The following SYNGR1 variants were observed in gnomAD, a reference collection of about 807,000 sequenced individuals.
SYNGR1 encodes synaptogyrin 1, also known as synaptogyrin-1.
In SYNGR1, 14 loss-of-function variants were observed where a neutral mutation model predicts 26.1. The ratio of observed to expected loss-of-function variants is 0.54; its 90% CI spans 0.35 to 0.84. The LOEUF is 0.84. Ranked by LOEUF, SYNGR1 falls within the 40% of genes least tolerant of loss-of-function variation. SYNGR1 has a pLI of 0.01. For synonymous variants in SYNGR1, 141 were observed against 150.1 expected (o/e 0.94, Z 0.44); for missense variants, 319 against 332.9 (o/e 0.96, Z 0.33).
chr22:39,367,129 G>A (rs796233677), intron 1 of SYNGR1, among the ~76,000 whole-genome samples: 5 of 152,288 alleles, frequency 3.3e-5, no homozygotes, highest in South Asian at 4.1e-4. Context: ...GCCCTGCTTC[G>A]TTCTTCATGA....
At chr22:39,371,345 G>A (rs973945051) in intron 1 of SYNGR1, among the ~76,000 whole-genome samples, 4 of 151,952 alleles carry the variant, frequency 2.6e-5, no homozygotes, top group African/African-American at 4.8e-5. Context: ...ATGTGGTGGC[G>A]CATGCCTGTA....
intron 3 of SYNGR1, chr22:39,377,517 C>G: frequency 6.4e-7 from 1 of 1,565,886 alleles, no homozygotes; most frequent in Non-Finnish European, 8.6e-7. Flanking sequence ...CAGGTGCCTG[C>G]CCGGCCCCCT....
chr22:39,352,657 G>A (rs766903097), intron 1 of SYNGR1, among the ~76,000 whole-genome samples: 1 of 152,168 alleles, frequency 6.6e-6, no homozygotes, highest in Non-Finnish European at 1.5e-5. Flanking sequence ...TCACACCACA[G>A]GGCAGAGCAA....
intron 1 of SYNGR1, among the ~76,000 whole-genome samples, chr22:39,353,064 G>T (rs1354819408): frequency 2.0e-5 from 3 of 152,158 alleles, no homozygotes; most frequent in Admixed American, 6.5e-5. Context: ...GTTTCACCAT[G>T]TTAGCCAGGC....
chr22:39,375,973 G>A (rs1925262463), intron 2 of SYNGR1, 79 bp from the exon 3 acceptor site: 3 of 1,588,732 alleles, frequency 1.9e-6, no homozygotes, highest in South Asian at 1.1e-5. Context: ...TCTGTTCCTC[G>A]GCTTCCCCAT....
rs1486809783 is a variant in SYNGR1, at chr22:39,384,969, G to C, written c.*3055G>C. The C allele has an allele frequency of 5.0e-6, 2 of 398,754 alleles. No individual in the cohort carries two copies. Among genetic ancestry groups the C allele is most frequent in the South Asian group, 1.3e-4 (1 of 7,858 alleles). 24.7% of individuals were successfully genotyped at this position (398,754 alleles called of 1,614,324 possible). A position where few individuals can be genotyped will look rare whatever the true frequency, so the allele number is the denominator to read the frequency against. Reference sequence around the variant, plus strand: ...GCCTGCACGGCTCCTATCCACCTGGGGGTGTCGCAGTTGAGGGGCTAATTC... The same window carrying C: ...GCCTGCACGGCTCCTATCCACCTGGCGGTGTCGCAGTTGAGGGGCTAATTC... On this transcript the variant is annotated 3_prime_UTR_variant, in exon 4 of 4. Coordinates refer to ENST00000328933, the MANE Select transcript of SYNGR1 (RefSeq NM_004711.5).
chr22:39,361,356 C>CTTTT (rs71326762), intron 1 of SYNGR1, among the ~76,000 whole-genome samples: 3 of 122,324 alleles, frequency 2.5e-5, no homozygotes, highest in African/African-American at 6.6e-5. Context: ...TAACCCTGCC[C>CTTTT]TTTTTTTTTT....
chr22:39,369,402 C>G lies in SYNGR1; in HGVS notation c.100-4914C>G, dbSNP rs1000366268. On this transcript the variant is annotated intron_variant, in intron 1 of 3. Coordinates refer to ENST00000328933, the MANE Select transcript of SYNGR1 (RefSeq NM_004711.5). ...GTCCTGACTTCACAGGCGCTCCCCA[C>G]TGTGCCTCTGAGCACCAGACTTGAG... Among the ~76,000 whole-genome samples the G allele has an allele frequency of 2.6e-5, 4 of 152,218 alleles. No homozygotes were observed. The South Asian group carries it at 8.3e-4, about 31-fold the overall frequency.
chr22:39,366,958 G>A (rs1274694134), intron 1 of SYNGR1, among the ~76,000 whole-genome samples: 7 of 152,086 alleles, frequency 4.6e-5, no homozygotes, highest in Admixed American at 2.0e-4. Context: ...CCTATCGTGC[G>A]GGCCTCCATG....
At chr22:39,360,580 C>T (rs1182728473) in intron 1 of SYNGR1, among the ~76,000 whole-genome samples, 40 of 152,096 alleles carry the variant, frequency 2.6e-4, no homozygotes, top group Non-Finnish European at 4.4e-5. Context: ...GCCCTCACCC[C>T]GCTCGCCGCA....
intron 1 of SYNGR1, among the ~76,000 whole-genome samples, chr22:39,357,569 C>G (rs1014863048): frequency 9.9e-5 from 15 of 151,962 alleles, no homozygotes; most frequent in African/African-American, 3.4e-4. Context: ...GGGCTGCGTG[C>G]GGCGCTTGCG....
chr22:39,366,716 G>C (rs1246586128), intron 1 of SYNGR1, among the ~76,000 whole-genome samples: 1 of 152,202 alleles, frequency 6.6e-6, no homozygotes, highest in Non-Finnish European at 1.5e-5. Context: ...CCCCAGGCCT[G>C]TCCCTCACTT....
Position 39,350,175 on chromosome 22 carries a change from GC to G in SYNGR1, c.99+69del. 8.5e-7 allele frequency: 1 copy of G among 1,174,182 alleles called. No individual in the cohort carries two copies. The highest frequency in any genetic ancestry group is 1.9e-5 in the South Asian group (1 of 51,868). 72.7% of individuals were successfully genotyped at this position (1,174,182 alleles called of 1,614,324 possible). A position where few individuals can be genotyped will look rare whatever the true frequency, so the allele number is the denominator to read the frequency against. ...GTGGGGGTGTGAGCAAAGGCGGCGC[GC>G]CCGGACCGACCCCGACCCCGACCCC... is the stretch of plus-strand genomic sequence containing the variant. On this transcript the variant is annotated intron_variant, in intron 1 of 3. Coordinates refer to ENST00000328933, the MANE Select transcript of SYNGR1 (RefSeq NM_004711.5). The surrounding 1 kb of genome is among the most constrained non-coding windows in gnomAD (Gnocchi z 4.3).
In SYNGR1 at chr22:39,383,773, G is replaced by A. The variant is rs2068742563; in HGVS notation, c.*1859G>A. On this transcript the variant is annotated 3_prime_UTR_variant, in exon 4 of 4. Transcript: ENST00000328933. ...AGCTGGGCCAGAGTTAAGGGAAAGA[G>A]GAGGAAGTCCTAAGCAGAGAAGTAG... 1 of 152,342 alleles carries A rather than the reference G, an allele frequency of 6.6e-6. No homozygotes were observed. Among genetic ancestry groups the A allele is most frequent in the Non-Finnish European group, 1.5e-5 (1 of 68,088 alleles). 9.4% of individuals were successfully genotyped at this position (152,342 alleles called of 1,614,324 possible).
chr22:39,356,871 C>G (rs965851533), intron 1 of SYNGR1, among the ~76,000 whole-genome samples: 2 of 152,176 alleles, frequency 1.3e-5, no homozygotes, highest in Non-Finnish European at 2.9e-5. Context: ...TTGGATTGCT[C>G]TGGTGGATCC....
rs541988200 is a variant in SYNGR1, at chr22:39,358,747, A to G, written c.99+8638A>G. On this transcript the variant is annotated intron_variant, in intron 1 of 3. Coordinates refer to ENST00000328933, the MANE Select transcript of SYNGR1 (RefSeq NM_004711.5). ...ACTCACCGAGAGGGTCCGCGGCTTC[A>G]TTCTTGAAGTCAGTGAGACCAAGAA... 5.3e-5 allele frequency among the ~76,000 whole-genome samples: 8 copies of G among 152,294 alleles called. No individual in the cohort carries two copies. In the East Asian group the frequency reaches 1.2e-3, roughly 22 times the overall value.
At chr22:39,377,008 T>A in intron 3 of SYNGR1, 2 of 1,550,792 alleles carry the variant, frequency 1.3e-6, no homozygotes, top group Non-Finnish European at 1.7e-6. Context: ...TAATCACCCT[T>A]CTGCAGAGAT....
chr22:39,357,627 CGG>C (rs1384951823), intron 1 of SYNGR1, among the ~76,000 whole-genome samples: 2 of 140,452 alleles, frequency 1.4e-5, no homozygotes, highest in Admixed American at 1.4e-4. Context: ...GCCCCGCCCT[CGG>C]AGCAGCCGGC....
intron 1 of SYNGR1, among the ~76,000 whole-genome samples, chr22:39,351,960 G>A (rs953300822): frequency 6.6e-6 from 1 of 152,236 alleles, no homozygotes; most frequent in Non-Finnish European, 1.5e-5. Flanking sequence ...GCAGGAGGAA[G>A]GATCAGCCCC....
Sources: gnomAD v4.1 joint callset for allele counts (sites outside exome capture counted in the v4.1 genomes callset) on GRCh38, gnomAD v4.1.1 for gene constraint, Gnocchi (gnomAD v3.1) non-coding constraint, MANE v1.5 for transcripts, NCBI Gene and HGNC (gene_info 2026-07-23, HGNC 2026-07-21) for gene names.